GLIS3: variants seen among roughly 807,000 people sequenced by gnomAD.
The protein encoded by GLIS3 is zinc finger protein GLIS3.
GLIS3 carries 53 observed loss-of-function variants against 78.6 expected under a neutral mutation model. The observed-to-expected ratio is 0.67, with a 90% CI of 0.54 to 0.85. GLIS3 has a LOEUF of 0.85. Among genes scored for constraint, GLIS3 ranks in the 40% least tolerant of loss-of-function variants. The pLI, the probability that GLIS3 is intolerant of heterozygous loss-of-function variation, is 0.00. For missense variants in GLIS3, 1,703 were observed against 1,231.1 expected (o/e 1.38, Z -5.74); for synonymous variants, 684 against 509.9 (o/e 1.34, Z -4.60).
chr9:4,414,452 C>T, the GLIS3 span, among the ~76,000 whole-genome samples: 1 of 152,112 alleles, frequency 6.6e-6, no homozygotes, highest in African/African-American at 2.4e-5. Flanking sequence ...CCTTACACCT[C>T]GGTTGAACCT....
At chr9:4,349,308 A>G (rs1375784688), upstream of GLIS3, among the ~76,000 whole-genome samples, 1 of 152,246 alleles carries the variant, frequency 6.6e-6, no homozygotes, top group Non-Finnish European at 1.5e-5. Flanking sequence ...TATTTCTCCA[A>G]GTAGATTATA....
chr9:4,005,851 G>T (rs1445783875), intron 4 of GLIS3, among the ~76,000 whole-genome samples: 1 of 152,168 alleles, frequency 6.6e-6, no homozygotes, highest in Non-Finnish European at 1.5e-5. Flanking sequence ...AAAAACATTT[G>T]TTAGGCAAAT....
intron 2 of GLIS3, among the ~76,000 whole-genome samples, chr9:4,188,782 G>A (rs185868458): frequency 1.6e-4 from 24 of 152,250 alleles, no homozygotes; most frequent in South Asian, 1.0e-3. Context: ...GTTTATTTGC[G>A]TAGAGGTGTT....
chr9:3,854,619 T>C (rs10733493), intron 9 of GLIS3, among the ~76,000 whole-genome samples: 132,615 of 151,200 alleles, frequency 0.88, 59,021 homozygotes, highest in Non-Finnish European at 0.96. Context: ...TCACTGCCAG[T>C]TCCGCCTCCC....
chr9:4,187,877 C>T (rs1386358209), intron 2 of GLIS3, among the ~76,000 whole-genome samples: 3 of 152,088 alleles, frequency 2.0e-5, no homozygotes, highest in Non-Finnish European at 4.4e-5. Context: ...AGTTGCTTAT[C>T]AGCTTAAGGA....
At chr9:3,923,404 G>C (rs955417557) in intron 6 of GLIS3, among the ~76,000 whole-genome samples, 4 of 152,164 alleles carry the variant, frequency 2.6e-5, no homozygotes, top group East Asian at 1.9e-4. Context: ...ATGAAATATA[G>C]AGCATAGAGA....
intron 2 of GLIS3, among the ~76,000 whole-genome samples, chr9:4,179,805 G>C (rs141167923): frequency 5.3e-5 from 8 of 152,104 alleles, no homozygotes; most frequent in African/African-American, 1.9e-4. Context: ...AGCTACCCAG[G>C]AGGCTGAGGC....
intron 4 of GLIS3, among the ~76,000 whole-genome samples, chr9:4,308,593 G>T (rs564956225): frequency 3.9e-5 from 6 of 152,072 alleles, no homozygotes; most frequent in Admixed American, 3.9e-4. Flanking sequence ...GTGGCTCTCA[G>T]TGCTGGGTTC....
At chr9:4,373,399 G>T in the GLIS3 span, among the ~76,000 whole-genome samples, 2 of 152,168 alleles carry the variant, frequency 1.3e-5, no homozygotes, top group Non-Finnish European at 2.9e-5. Context: ...GAGTAGTAGG[G>T]GATGCGGATG....
upstream of GLIS3, among the ~76,000 whole-genome samples, chr9:4,351,575 A>T (rs1055449998): frequency 6.6e-6 from 1 of 152,214 alleles, no homozygotes; most frequent in Non-Finnish European, 1.5e-5. Context: ...TTTTCCATTT[A>T]ATTGTTCAGA....
At chr9:3,993,714 T>C (rs1412573019) in intron 4 of GLIS3, among the ~76,000 whole-genome samples, 2 of 152,246 alleles carry the variant, frequency 1.3e-5, no homozygotes, top group Admixed American at 6.5e-5. Context: ...CTAAATATTA[T>C]TAAATAATGT....
At chr9:3,829,629 T>C in intron 9 of GLIS3, 137 bp from the exon 10 acceptor site, 1 of 833,098 alleles carries the variant, frequency 1.2e-6, no homozygotes, top group Non-Finnish European at 2.0e-6. Flanking sequence ...CTGTAGAATC[T>C]TCCAAGCAAA....
At chr9:4,319,056 A>G (rs776625297) in intron 2 of GLIS3, among the ~76,000 whole-genome samples, 1 of 152,220 alleles carries the variant, frequency 6.6e-6, no homozygotes, top group African/African-American at 2.4e-5. Flanking sequence ...GTACTCTTCA[A>G]AAATGTCAAT....
intron 9 of GLIS3, among the ~76,000 whole-genome samples, chr9:3,849,183 G>A (rs890037606): frequency 8.5e-5 from 13 of 152,196 alleles, no homozygotes; most frequent in Non-Finnish European, 1.9e-4. Flanking sequence ...CTAAGAGAAT[G>A]GAAGAGATGG....
intron 2 of GLIS3, among the ~76,000 whole-genome samples, chr9:4,184,436 CA>C (rs1215983751): frequency 6.6e-6 from 1 of 152,162 alleles, no homozygotes; most frequent in Non-Finnish European, 1.5e-5. Flanking sequence ...ACCCCCACTT[CA>C]AAGGGAGACA....
At chr9:4,295,607 G>T (rs149561315) in intron 1 of GLIS3, among the ~76,000 whole-genome samples, 1 of 152,222 alleles carries the variant, frequency 6.6e-6, no homozygotes, top group Non-Finnish European at 1.5e-5. Flanking sequence ...CCAGGGCAAC[G>T]GTTACCTTAG....
At chr9:3,872,732 C>T (rs566523505) in intron 8 of GLIS3, among the ~76,000 whole-genome samples, 1 of 152,296 alleles carries the variant, frequency 6.6e-6, no homozygotes, top group South Asian at 2.1e-4. Flanking sequence ...TGCGGACACA[C>T]AGCCAAACTA....
intron 2 of GLIS3, among the ~76,000 whole-genome samples, chr9:4,200,878 C>T (rs1819328213): frequency 6.6e-6 from 1 of 152,118 alleles, no homozygotes; most frequent in Non-Finnish European, 1.5e-5. Flanking sequence ...GGAAAAAACA[C>T]ACTGAAAAAA....
At chr9:4,116,310 C>T (rs988781311) in intron 4 of GLIS3, among the ~76,000 whole-genome samples, 7 of 152,312 alleles carry the variant, frequency 4.6e-5, no homozygotes, top group African/African-American at 1.4e-4. Flanking sequence ...AATTGAATTG[C>T]CTTCAATTGC....
Sources: allele counts gnomAD v4.1 joint callset (sites outside exome capture counted in the v4.1 genomes callset), GRCh38; gene constraint gnomAD v4.1.1; transcripts MANE v1.5; gene names NCBI Gene and HGNC (gene_info 2026-07-23, HGNC 2026-07-21).